GALNT2: variants seen among roughly 807,000 people sequenced by gnomAD.
GALNT2 encodes UDP-GalNAc:polypeptide N-acetylgalactosaminyltransferase 2.
A neutral mutation model predicts 81.4 loss-of-function variants in GALNT2; 31 were observed. The ratio of observed to expected loss-of-function variants is 0.38; its 90% CI spans 0.29 to 0.51. The LOEUF is 0.51. Ranked by LOEUF, GALNT2 falls within the 20% of genes least tolerant of loss-of-function variation. The pLI, the probability that GALNT2 is intolerant of heterozygous loss-of-function variation, is 0.87. For synonymous variants in GALNT2, 303 were observed against 287.4 expected, an observed-to-expected ratio of 1.05 and a Z score of -0.55; for missense variants, 629 against 765.7, an observed-to-expected ratio of 0.82 and a Z score of 2.11.
chr1:230,073,784 C>T (rs1006097019), intron 1 of GALNT2, among the ~76,000 whole-genome samples: 1 of 152,204 alleles, frequency 6.6e-6, no homozygotes, highest in Non-Finnish European at 1.5e-5. Flanking sequence ...GCCGATCCCT[C>T]ATGGCTCAGC....
chr1:230,142,447 C>A (rs564682807), intron 1 of GALNT2, among the ~76,000 whole-genome samples: 69 of 152,272 alleles, frequency 4.5e-4, no homozygotes, highest in African/African-American at 1.6e-3. Flanking sequence ...ATATCCAGCC[C>A]CGCCAGCTGA....
chr1:230,249,505 G>T (rs1665478497), intron 9 of GALNT2, among the ~76,000 whole-genome samples: 1 of 152,198 alleles, frequency 6.6e-6, no homozygotes. Context: ...CTATCTGCTA[G>T]GTCTGTGCAT....
intron 1 of GALNT2, among the ~76,000 whole-genome samples, chr1:230,082,169 G>T (rs1659753593): frequency 6.6e-6 from 1 of 152,200 alleles, no homozygotes; most frequent in Non-Finnish European, 1.5e-5. Context: ...TCTAGTCCGT[G>T]TCCCTCCTTT....
chr1:230,161,536 A>T (rs978237799), intron 1 of GALNT2, among the ~76,000 whole-genome samples: 5 of 152,192 alleles, frequency 3.3e-5, no homozygotes, highest in Non-Finnish European at 5.9e-5. Context: ...TTTTCATGGC[A>T]CATTTTGGAA....
chr1:230,210,579 A>G (rs1324547328), intron 3 of GALNT2, among the ~76,000 whole-genome samples: 2 of 152,182 alleles, frequency 1.3e-5, no homozygotes, highest in African/African-American at 4.8e-5. Context: ...TTGTACATCT[A>G]ATCGGTTTAT....
intron 2 of GALNT2, among the ~76,000 whole-genome samples, chr1:230,199,299 G>A (rs769215320): frequency 3.3e-5 from 5 of 152,124 alleles, no homozygotes; most frequent in Non-Finnish European, 4.4e-5. Flanking sequence ...GGGCTGGGAC[G>A]CGTGTGCCCT....
At chr1:230,163,124 A>G (rs1451199173) in intron 1 of GALNT2, among the ~76,000 whole-genome samples, 2 of 152,152 alleles carry the variant, frequency 1.3e-5, no homozygotes, top group South Asian at 2.1e-4. Flanking sequence ...TTACAGAAAG[A>G]TAAGAATCAG....
At chr1:230,075,951 A>G (rs956944930) in intron 1 of GALNT2, among the ~76,000 whole-genome samples, 2 of 151,522 alleles carry the variant, frequency 1.3e-5, no homozygotes, top group African/African-American at 4.9e-5. Context: ...TGATCTCTCT[A>G]CTCCTTGGTT....
chr1:230,059,078 T>C (rs571167188), intron 1 of GALNT2, among the ~76,000 whole-genome samples: 20 of 152,332 alleles, frequency 1.3e-4, no homozygotes, highest in African/African-American at 4.6e-4. Flanking sequence ...TTTCTCCTGA[T>C]TGGGTATTGT....
intron 14 of GALNT2, among the ~76,000 whole-genome samples, chr1:230,270,038 A>G (rs976504838): frequency 2.6e-5 from 4 of 152,104 alleles, no homozygotes; most frequent in Non-Finnish European, 5.9e-5. Flanking sequence ...CGTCTCTACT[A>G]AAAATACAAA....
chr1:230,262,468 C>A, intron 11 of GALNT2, 105 bp from the exon 12 acceptor site: 3 of 910,966 alleles, frequency 3.3e-6, no homozygotes, highest in Non-Finnish European at 3.5e-6. Context: ...AGCTGCTGCA[C>A]ACCCAGAGGG....
At chr1:230,077,409 G>A (rs1453173846) in intron 1 of GALNT2, among the ~76,000 whole-genome samples, 2 of 152,094 alleles carry the variant, frequency 1.3e-5, no homozygotes, top group Non-Finnish European at 2.9e-5. Context: ...ATTCCGAGAG[G>A]CCATTATTTG....
At chr1:230,150,604 G>A (rs1461330405) in intron 1 of GALNT2, among the ~76,000 whole-genome samples, 3 of 152,204 alleles carry the variant, frequency 2.0e-5, no homozygotes, top group Admixed American at 1.3e-4. Context: ...CTTTGGTAGA[G>A]CATTTTTGTT....
At chr1:230,274,645 T>C (rs1324243960) in intron 15 of GALNT2, 81 bp downstream of exon 15, 2 of 1,535,096 alleles carry the variant, frequency 1.3e-6, no homozygotes, top group African/African-American at 1.4e-5. Context: ...TGCTCTGTGC[T>C]GCCTCTCAAA....
intron 7 of GALNT2, among the ~76,000 whole-genome samples, chr1:230,245,400 G>A (rs1406333597): frequency 2.0e-5 from 3 of 151,928 alleles, no homozygotes; most frequent in African/African-American, 7.2e-5. Context: ...CGAGGCGGCG[G>A]TTGTGGTGAG....
At chr1:230,092,800 AT>A (rs1293641152) in intron 1 of GALNT2, among the ~76,000 whole-genome samples, 1 of 152,244 alleles carries the variant, frequency 6.6e-6, no homozygotes. Flanking sequence ...GTAAGCACAG[AT>A]TCATTAAAAT....
rs58639878 is a variant in GALNT2 at position 230,094,163 on chromosome 1, A to ATTT, written c.126+26782_126+26784dup. Among the ~76,000 whole-genome samples the ATTT allele has an allele frequency of 3.4e-4, 40 of 119,358 alleles. 2 individuals are homozygous for ATTT. Among genetic ancestry groups the ATTT allele is most frequent in the African/African-American group, 9.0e-4 (28 of 30,958 alleles). 78.3% of individuals were successfully genotyped at this position (119,358 alleles called of 152,430 possible). On this transcript the variant is annotated intron_variant, in intron 1 of 15. Transcript: ENST00000366672. ...CAGGTGTGTGCCACCATGCTGGCTA[A>ATTT]TTTTTTTTTTTTTTTTTTTTTTTTT...
intron 1 of GALNT2, among the ~76,000 whole-genome samples, chr1:230,127,513 C>A (rs1348904312): frequency 6.6e-6 from 1 of 151,984 alleles, no homozygotes; most frequent in Non-Finnish European, 1.5e-5. Context: ...GCAGCTGGGA[C>A]TACAGGCATG....
rs539741214 is a variant in GALNT2, at chr1:230,148,615, A to C, written c.127-29603A>C. ...TTCTTTCTATTTTTGTTTTTGAGAC[A>C]AGGTTTGTTGCCCAGGCTGGAGTGC... is the stretch of plus-strand genomic sequence containing the variant. On this transcript the variant is annotated intron_variant, in intron 1 of 15. Transcript: ENST00000366672. Among the ~76,000 whole-genome samples the C allele has an allele frequency of 7.1e-4, 108 of 151,958 alleles. 2 individuals carry two copies. The South Asian group carries it at 0.021, about 30-fold the overall frequency.
Sources: gnomAD v4.1 joint callset for allele counts (sites outside exome capture counted in the v4.1 genomes callset) on GRCh38, gnomAD v4.1.1 for gene constraint, MANE v1.5 for transcripts, NCBI Gene and HGNC (gene_info 2026-07-23, HGNC 2026-07-21) for gene names.